Variants in LOXHD1 observed in about 807,000 individuals in gnomAD.
LOXHD1 encodes lipoxygenase homology PLAT domains 1, also known as lipoxygenase homology domain-containing protein 1.
LOXHD1 carries 205 observed loss-of-function variants against 248.2 expected under a neutral mutation model. The ratio of observed to expected loss-of-function variants is 0.83; its 90% CI spans 0.74 to 0.93. LOXHD1 has a LOEUF of 0.93. Ranked by LOEUF, LOXHD1 falls within the 40% of genes least tolerant of loss-of-function variation. The pLI, the probability that LOXHD1 is intolerant of heterozygous loss-of-function variation, is 0.00. For missense variants in LOXHD1, 2,930 were observed against 2,971.6 expected, an observed-to-expected ratio of 0.99 and a Z score of 0.33; for synonymous variants, 1,113 against 1,162.8, an observed-to-expected ratio of 0.96 and a Z score of 0.87.
At chr18:46,640,624 C>A (rs2038951287) in intron 3 of LOXHD1, among the ~76,000 whole-genome samples, 1 of 152,188 alleles carries the variant, frequency 6.6e-6, no homozygotes, top group African/African-American at 2.4e-5. Context: ...TATTAATGAG[C>A]TATTTTTTCA....
Position 46,484,807 on chromosome 18 carries a change from C to T in LOXHD1, c.6182+212G>A, listed in dbSNP as rs2032899357. 5.3e-5 allele frequency among the ~76,000 whole-genome samples: 8 copies of T among 152,144 alleles called. No individual in the cohort carries two copies. In the South Asian group the frequency reaches 1.7e-3, roughly 32 times the overall value. ...TAGCACTGTCCATCCACAGGGTGGG[C>T]TCCCATTAAATGCAGTCCCATGCTT... is the stretch of plus-strand genomic sequence containing the variant. On this transcript the variant is annotated intron_variant, in intron 39 of 40. Coordinates refer to ENST00000642948, the MANE Select transcript of LOXHD1 (RefSeq NM_001384474.1).
intron 37 of LOXHD1, among the ~76,000 whole-genome samples, chr18:46,495,459 T>A (rs1485650780): frequency 6.6e-6 from 1 of 152,150 alleles, no homozygotes; most frequent in Non-Finnish European, 1.5e-5. Context: ...GTAACCTTAA[T>A]TGATCATCAC....
intron 21 of LOXHD1, 112 bp downstream of exon 21, chr18:46,557,244 C>A: frequency 4.7e-6 from 6 of 1,277,944 alleles, no homozygotes; most frequent in Non-Finnish European, 5.5e-6. Context: ...CCCACCCTCA[C>A]CCTCCACCGT....
intron 1 of LOXHD1, among the ~76,000 whole-genome samples, chr18:46,653,316 A>C (rs915564564): frequency 6.6e-6 from 1 of 152,220 alleles, no homozygotes; most frequent in African/African-American, 2.4e-5. Context: ...GTCGCCTCTG[A>C]GAAGGGGTGT....
intron 4 of LOXHD1, among the ~76,000 whole-genome samples, chr18:46,627,927 C>T (rs140324567): frequency 5.3e-5 from 8 of 152,334 alleles, no homozygotes; most frequent in East Asian, 1.9e-4. Context: ...GACTCTCTCC[C>T]GTCTAGACTC....
At chr18:46,531,597 C>T (rs921081157) in intron 28 of LOXHD1, among the ~76,000 whole-genome samples, 14 of 152,222 alleles carry the variant, frequency 9.2e-5, no homozygotes, top group Non-Finnish European at 1.9e-4. Context: ...TTCTCCAGTC[C>T]TCTGGGAATT....
At chr18:46,555,322 A>G (rs1021854602) in intron 21 of LOXHD1, 6 of 389,068 alleles carry the variant, frequency 1.5e-5, no homozygotes, top group African/African-American at 4.2e-5. Flanking sequence ...GTCCAGGGTG[A>G]CCTGATGAGT....
intron 37 of LOXHD1, among the ~76,000 whole-genome samples, chr18:46,489,971 T>C (rs564081649): frequency 1.3e-5 from 2 of 152,266 alleles, no homozygotes; most frequent in African/African-American, 4.8e-5. Context: ...ATAGCTGCCC[T>C]TGTTATAATT....
At chr18:46,585,237 C>G (rs986608046) in intron 12 of LOXHD1, among the ~76,000 whole-genome samples, 3 of 151,970 alleles carry the variant, frequency 2.0e-5, no homozygotes, top group Non-Finnish European at 4.4e-5. Flanking sequence ...ATAAAAAGAT[C>G]TAAATTGGAA....
chr18:46,642,060 T>C, intron 2 of LOXHD1, 24 bp from the exon 3 acceptor site: 1 of 1,549,094 alleles, frequency 6.5e-7, no homozygotes, highest in South Asian at 1.2e-5. Flanking sequence ...GTGCAGTTAG[T>C]GCAGATCAGC....
rs571306917 is a variant in LOXHD1 at position 46,487,226 on chromosome 18, G to A, written c.6049+1746C>T. Among the ~76,000 whole-genome samples the A allele has an allele frequency of 2.2e-4, 34 of 152,284 alleles. No homozygotes were observed. In the South Asian group the frequency reaches 2.3e-3, roughly 10 times the overall value. On this transcript the variant is annotated intron_variant, in intron 38 of 40. Coordinates refer to ENST00000642948, the MANE Select transcript of LOXHD1 (RefSeq NM_001384474.1). Reference sequence around the variant, plus strand: ...ACTGTGGGCTTAGGAGGCATGGGTCGTAGTTTGAAAGGCAAGACAGGAGAG... The same window carrying A: ...ACTGTGGGCTTAGGAGGCATGGGTCATAGTTTGAAAGGCAAGACAGGAGAG...
At chr18:46,561,940 C>T (rs773853916) in intron 18 of LOXHD1, among the ~76,000 whole-genome samples, 1 of 152,174 alleles carries the variant, frequency 6.6e-6, no homozygotes, top group Non-Finnish European at 1.5e-5. Flanking sequence ...TCTGCCCAGC[C>T]GTGCCTTCAT....
At chr18:46,599,449 T>C (rs1156860154) in intron 8 of LOXHD1, among the ~76,000 whole-genome samples, 3 of 152,158 alleles carry the variant, frequency 2.0e-5, no homozygotes, top group African/African-American at 7.2e-5. Flanking sequence ...CAAAATTCAA[T>C]TCCTAGTATT....
chr18:46,631,309 A>AC (rs928034775), intron 4 of LOXHD1, among the ~76,000 whole-genome samples: 1 of 150,976 alleles, frequency 6.6e-6, no homozygotes, highest in Admixed American at 6.6e-5. Flanking sequence ...GACAGCTACA[A>AC]CCCCCCCACC....
intron 37 of LOXHD1, among the ~76,000 whole-genome samples, chr18:46,495,056 C>T (rs893691749): frequency 3.3e-5 from 5 of 151,918 alleles, no homozygotes; most frequent in East Asian, 1.9e-4. Context: ...TTAGTAGAGA[C>T]GGGGTTTCAC....
intron 14 of LOXHD1, among the ~76,000 whole-genome samples, chr18:46,573,446 G>A (rs944658616): frequency 1.1e-4 from 16 of 152,198 alleles, no homozygotes; most frequent in Non-Finnish European, 1.5e-4. Context: ...ACCGTTCATT[G>A]TTCCCCAGGA....
intron 4 of LOXHD1, among the ~76,000 whole-genome samples, chr18:46,632,314 G>A (rs931267601): frequency 1.3e-5 from 2 of 152,090 alleles, no homozygotes; most frequent in Non-Finnish European, 2.9e-5. Flanking sequence ...GTCTCCTTGT[G>A]GGCACTTTGT....
intron 8 of LOXHD1, among the ~76,000 whole-genome samples, chr18:46,600,533 G>T (rs928358918): frequency 2.0e-5 from 3 of 151,276 alleles, no homozygotes; most frequent in African/African-American, 4.9e-5. Context: ...GGGAGGTGGA[G>T]GTTGCAGTGA....
intron 37 of LOXHD1, among the ~76,000 whole-genome samples, chr18:46,498,959 T>C (rs1332765687): frequency 2.0e-5 from 3 of 152,188 alleles, no homozygotes; most frequent in Admixed American, 2.0e-4. Context: ...GAAAGATATA[T>C]CTGTGGAAGT....
Sources: allele counts gnomAD v4.1 joint callset (sites outside exome capture counted in the v4.1 genomes callset), GRCh38; gene constraint gnomAD v4.1.1; transcripts MANE v1.5; gene names NCBI Gene and HGNC (gene_info 2026-07-23, HGNC 2026-07-21).